CSMD1: variants seen among roughly 807,000 people sequenced by gnomAD.
The protein encoded by CSMD1 is CUB and Sushi multiple domains 1, also known as CUB and sushi domain-containing protein 1.
Under a neutral mutation model 417.5 loss-of-function variants are expected in CSMD1, and 213 were observed. That is an observed-to-expected ratio of 0.51 (90% CI 0.46 to 0.57). CSMD1 has a LOEUF of 0.57. Ranked by LOEUF, CSMD1 falls within the 20% of genes least tolerant of loss-of-function variation. The pLI is 0.00. For synonymous variants in CSMD1, 2,862 were observed against 1,736.8 expected (o/e 1.65, Z -16.11); for missense variants, 6,923 against 4,529.7 (o/e 1.53, Z -15.17).
At chr8:4,328,279 T>C (rs1464412877) in intron 3 of CSMD1, among the ~76,000 whole-genome samples, 2 of 149,422 alleles carry the variant, frequency 1.3e-5, no homozygotes, top group African/African-American at 2.5e-5. Context: ...AGGAATTCTC[T>C]TCTTAACTGT....
chr8:4,299,031 AAG>A (rs1231917593), intron 3 of CSMD1, among the ~76,000 whole-genome samples: 1 of 152,122 alleles, frequency 6.6e-6, no homozygotes, highest in Non-Finnish European at 1.5e-5. Context: ...AGCAGAATAA[AAG>A]AACTGTAGGA....
At chr8:4,094,134 G>T (rs559549670) in intron 3 of CSMD1, among the ~76,000 whole-genome samples, 7 of 152,070 alleles carry the variant, frequency 4.6e-5, no homozygotes, top group East Asian at 1.9e-4. Context: ...CTCCGTGTGT[G>T]GGGGGGATGA....
intron 3 of CSMD1, among the ~76,000 whole-genome samples, chr8:4,180,608 A>G (rs978009486): frequency 1.1e-4 from 16 of 152,084 alleles, no homozygotes; most frequent in Non-Finnish European, 2.2e-4. Flanking sequence ...ATAAAATAAA[A>G]TACAAAACAA....
rs2129038445 is a variant in CSMD1, at chr8:3,157,823, G to C, written c.5914+74C>G. 3 of 1,209,532 alleles carry C rather than the reference G, an allele frequency of 2.5e-6. No homozygotes were observed. The East Asian group carries it at 7.7e-5, about 31-fold the overall frequency. The allele number at this position is 1,209,532 out of a possible 1,614,324, so 74.9% of individuals were successfully genotyped here. A position where few individuals can be genotyped will look rare whatever the true frequency, so the allele number is the denominator to read the frequency against. Reference sequence around the variant, plus strand: ...TAAGAAATTTAGAAGTGCATTCTTTGACCCCAAGAGTAGAGCAGGCATGTT... The same window carrying C: ...TAAGAAATTTAGAAGTGCATTCTTTCACCCCAAGAGTAGAGCAGGCATGTT... On this transcript the variant is annotated intron_variant, in intron 39 of 69. Coordinates refer to ENST00000635120, the MANE Select transcript of CSMD1 (RefSeq NM_033225.6).
chr8:3,675,881 G>A (rs959818888), intron 7 of CSMD1, among the ~76,000 whole-genome samples: 41 of 152,160 alleles, frequency 2.7e-4, no homozygotes, highest in Non-Finnish European at 2.9e-5. Flanking sequence ...TACTTCTCAT[G>A]ATTCTGTCTT....
intron 15 of CSMD1, among the ~76,000 whole-genome samples, chr8:3,405,261 T>C (rs1317574051): frequency 6.6e-6 from 1 of 152,210 alleles, no homozygotes; most frequent in Non-Finnish European, 1.5e-5. Flanking sequence ...TTTTCTTAGC[T>C]TATTGCGCAC....
At chr8:3,009,389 G>A (rs1356193806) in intron 52 of CSMD1, among the ~76,000 whole-genome samples, 1 of 152,142 alleles carries the variant, frequency 6.6e-6, no homozygotes, top group Non-Finnish European at 1.5e-5. Flanking sequence ...GGCCTGTAGG[G>A]GAATACAATA....
At chr8:4,926,169 G>A (rs1468564070) in intron 1 of CSMD1, among the ~76,000 whole-genome samples, 2 of 152,166 alleles carry the variant, frequency 1.3e-5, no homozygotes, top group Admixed American at 6.5e-5. Flanking sequence ...GGACAGCCAA[G>A]CCTATCAAGT....
chr8:4,339,588 G>A (rs1313555485), intron 3 of CSMD1, among the ~76,000 whole-genome samples: 3 of 152,056 alleles, frequency 2.0e-5, no homozygotes, highest in East Asian at 1.9e-4. Context: ...ATTTCATCGT[G>A]CAAAGAACAG....
At chr8:3,692,710 G>A (rs935340475) in intron 7 of CSMD1, among the ~76,000 whole-genome samples, 1 of 152,142 alleles carries the variant, frequency 6.6e-6, no homozygotes, top group Non-Finnish European at 1.5e-5. Context: ...TGGGATTACA[G>A]GCATAAGCCA....
intron 7 of CSMD1, among the ~76,000 whole-genome samples, chr8:3,673,935 T>C (rs1484764987): frequency 1.3e-5 from 2 of 152,054 alleles, no homozygotes; most frequent in Admixed American, 6.6e-5. Flanking sequence ...CTGGGCAACA[T>C]GGCACAATCA....
At chr8:4,757,759 G>C (rs1178487625) in intron 1 of CSMD1, among the ~76,000 whole-genome samples, 3 of 152,006 alleles carry the variant, frequency 2.0e-5, no homozygotes, top group Admixed American at 2.0e-4. Context: ...AGGAGTTTGA[G>C]ACAAGCCTGG....
At chr8:4,169,705 G>C (rs780823224) in intron 3 of CSMD1, among the ~76,000 whole-genome samples, 1 of 152,112 alleles carries the variant, frequency 6.6e-6, no homozygotes, top group Admixed American at 6.5e-5. Context: ...CCTGTGCATG[G>C]CTTGCTCCCT....
rs564744345 is a variant in CSMD1, at chr8:3,325,019, C to T, written c.3632-16516G>A. 1.4e-4 allele frequency among the ~76,000 whole-genome samples: 21 copies of T among 152,170 alleles called. No homozygotes were observed. The South Asian group carries it at 4.4e-3, about 32-fold the overall frequency. On this transcript the variant is annotated intron_variant, in intron 23 of 69. Coordinates refer to ENST00000635120, the MANE Select transcript of CSMD1 (RefSeq NM_033225.6). ...TTGTTGTAGAAATACAAATAGGCTT[C>T]AAATGTTTTTATGTCAGAATTTGTG... is the stretch of plus-strand genomic sequence containing the variant.
chr8:2,965,645 G>C, intron 59 of CSMD1, 130 bp downstream of exon 59: 2 of 685,934 alleles, frequency 2.9e-6, no homozygotes, highest in Non-Finnish European at 4.8e-6. Context: ...TGACTTAATA[G>C]TTGCAAATTG....
intron 3 of CSMD1, among the ~76,000 whole-genome samples, chr8:4,264,039 G>A (rs1804070377): frequency 6.6e-6 from 1 of 152,016 alleles, no homozygotes; most frequent in Admixed American, 6.6e-5. Context: ...CATGAACTTG[G>A]GCAAGTTTGT....
rs556376832 is a variant in CSMD1 at position 4,331,074 on chromosome 8, T to C, written c.415+88879A>G. Among the ~76,000 whole-genome samples the C allele has an allele frequency of 2.2e-3, 341 of 152,330 alleles. 4 individuals are homozygous for C. The highest frequency in any genetic ancestry group is 3.5e-3 in the South Asian group (17 of 4,826). The stretch of plus-strand genomic sequence containing the variant: ...CTATTTCTTCATAATTTTTGTTTCT[T>C]ATTCTCCAATATGCAACTACATATA... On this transcript the variant is annotated intron_variant, in intron 3 of 69. Coordinates refer to ENST00000635120, the MANE Select transcript of CSMD1 (RefSeq NM_033225.6).
At chr8:3,584,040 T>A (rs1800495402) in intron 9 of CSMD1, among the ~76,000 whole-genome samples, 2 of 152,134 alleles carry the variant, frequency 1.3e-5, no homozygotes, top group South Asian at 4.1e-4. Flanking sequence ...TCCTTAGGAA[T>A]TATTTCCAGC....
At chr8:3,839,710 C>G (rs545434987) in intron 5 of CSMD1, among the ~76,000 whole-genome samples, 1 of 147,042 alleles carries the variant, frequency 6.8e-6, no homozygotes, top group Non-Finnish European at 1.5e-5. Flanking sequence ...GGAGAATGAA[C>G]AAGTCTCTTT....
Sources: gnomAD v4.1 joint callset for allele counts (sites outside exome capture counted in the v4.1 genomes callset) on GRCh38, gnomAD v4.1.1 for gene constraint, MANE v1.5 for transcripts, NCBI Gene and HGNC (gene_info 2026-07-23, HGNC 2026-07-21) for gene names.